The following SNTG1 variants were observed in gnomAD, a reference collection of about 807,000 sequenced individuals.
SNTG1 encodes the protein gamma-1-syntrophin.
Under a neutral mutation model 74.7 loss-of-function variants are expected in SNTG1, and 39 were observed. The ratio of observed to expected loss-of-function variants is 0.52; its 90% CI spans 0.40 to 0.68. SNTG1 has a LOEUF of 0.68. Ranked by LOEUF, SNTG1 falls within the 30% of genes least tolerant of loss-of-function variation. The pLI, the probability that SNTG1 is intolerant of heterozygous loss-of-function variation, is 0.00. For synonymous variants in SNTG1, 254 were observed against 217.1 expected, an observed-to-expected ratio of 1.17 and a Z score of -1.49; for missense variants, 685 against 609.5, an observed-to-expected ratio of 1.12 and a Z score of -1.30.
At chr8:50,330,267 A>C (rs948682443) in intron 2 of SNTG1, among the ~76,000 whole-genome samples, 1 of 152,080 alleles carries the variant, frequency 6.6e-6, no homozygotes, top group African/African-American at 2.4e-5. Context: ...CACATGAGAA[A>C]GGATCTGTTT....
chr8:50,249,147 A>G (rs2086531533), intron 2 of SNTG1, among the ~76,000 whole-genome samples: 1 of 152,144 alleles, frequency 6.6e-6, no homozygotes, highest in South Asian at 2.1e-4. Flanking sequence ...CATCACTGCC[A>G]GATACGAATG....
rs371558342 is a variant in SNTG1, at chr8:50,493,024, A to G, written c.364-9754A>G. ...GAAATAACACCACACATCTACAGGC[A>G]TCTGATCTTTGACAAACCTGACAAA... On this transcript the variant is annotated intron_variant, in intron 8 of 18. Transcript: ENST00000642720. 2.3e-3 allele frequency among the ~76,000 whole-genome samples: 343 copies of G among 152,350 alleles called. 3 individuals carry two copies. The highest frequency in any genetic ancestry group is 4.2e-3 in the Non-Finnish European group (289 of 68,024).
Position 50,219,267 on chromosome 8 carries a change from C to A in SNTG1, c.-28+46632C>A, listed in dbSNP as rs191395126. On this transcript the variant is annotated intron_variant, in intron 2 of 18. Transcript: ENST00000642720. ...AACTTTAAGAAGCTCCCACTGGTGA[C>A]CCTTCCTAGTTATCTGACAGAAAGA... 1.6e-3 allele frequency among the ~76,000 whole-genome samples: 241 copies of A among 152,282 alleles called. 1 individual carries two copies. The highest frequency in any genetic ancestry group is 5.5e-3 in the African/African-American group (230 of 41,576).
chr8:50,079,737 T>TGTATAA (rs757987466), intron 1 of SNTG1, among the ~76,000 whole-genome samples: 2 of 152,350 alleles, frequency 1.3e-5, no homozygotes, highest in East Asian at 3.9e-4. Flanking sequence ...GGTTAATTTT[T>TGTATAA]GTATAAGTAT....
intron 13 of SNTG1, among the ~76,000 whole-genome samples, chr8:50,618,235 C>T (rs910259242): frequency 7.2e-5 from 11 of 152,088 alleles, no homozygotes; most frequent in Non-Finnish European, 2.9e-5. Flanking sequence ...TTAGAAATAC[C>T]TAAATATACC....
intron 2 of SNTG1, among the ~76,000 whole-genome samples, chr8:50,381,522 A>C (rs1201664378): frequency 6.8e-6 from 1 of 146,918 alleles, no homozygotes; most frequent in Non-Finnish European, 1.5e-5. Flanking sequence ...CTATTGTATT[A>C]GTCAGGGTTC....
intron 14 of SNTG1, among the ~76,000 whole-genome samples, chr8:50,658,089 C>A (rs1454771157): frequency 1.3e-5 from 2 of 151,992 alleles, no homozygotes; most frequent in Non-Finnish European, 2.9e-5. Context: ...ATTTATTTGA[C>A]AAGACAGTTA....
intron 1 of SNTG1, among the ~76,000 whole-genome samples, chr8:49,948,621 C>T (rs1466746266): frequency 4.6e-5 from 7 of 152,126 alleles, no homozygotes; most frequent in Non-Finnish European, 7.3e-5. Flanking sequence ...ATGTTGTACT[C>T]GAATCTTCTT....
At chr8:50,428,591 A>G (rs60528549) in intron 4 of SNTG1, among the ~76,000 whole-genome samples, 4,245 of 152,290 alleles carry the variant, frequency 0.028, 187 homozygotes, top group African/African-American at 0.096. Context: ...ACCTGCTACA[A>G]ACTACAATTT....
chr8:50,154,501 T>C (rs1430514864), intron 1 of SNTG1, among the ~76,000 whole-genome samples: 2 of 152,042 alleles, frequency 1.3e-5, no homozygotes, highest in Admixed American at 1.3e-4. Context: ...AGTGCAGAAA[T>C]CACCTGTCTT....
intron 12 of SNTG1, among the ~76,000 whole-genome samples, chr8:50,585,240 GTCATTTATAGC>G (rs2130844308): frequency 1.3e-5 from 2 of 152,212 alleles, no homozygotes; most frequent in South Asian, 4.1e-4. Context: ...TTACTTTGTG[GTCATTTATAGC>G]TCTTGCTGGT....
At chr8:50,652,075 T>C (rs375903560) in intron 13 of SNTG1, among the ~76,000 whole-genome samples, 65 of 152,258 alleles carry the variant, frequency 4.3e-4, no homozygotes, top group African/African-American at 1.5e-3. Flanking sequence ...ATTTCTCCTT[T>C]GATCTGTGAA....
intron 1 of SNTG1, among the ~76,000 whole-genome samples, chr8:49,912,884 A>G (rs1053852086): frequency 2.6e-5 from 4 of 152,178 alleles, no homozygotes; most frequent in African/African-American, 7.2e-5. Context: ...TCTTTAGGAG[A>G]GCTGGATTTC....
intron 2 of SNTG1, among the ~76,000 whole-genome samples, chr8:50,234,140 G>A (rs56776667): frequency 0.034 from 5,233 of 151,846 alleles, 289 homozygotes; most frequent in African/African-American, 0.11. Flanking sequence ...GCCAAAGACT[G>A]GAAATAATCA....
At chr8:50,292,100 C>T (rs181268227) in intron 2 of SNTG1, among the ~76,000 whole-genome samples, 1 of 151,978 alleles carries the variant, frequency 6.6e-6, no homozygotes, top group Non-Finnish European at 1.5e-5. Flanking sequence ...TAGGTTAATC[C>T]TACAGCTGAA....
chr8:50,557,178 C>T (rs964453689), intron 12 of SNTG1, among the ~76,000 whole-genome samples: 8 of 123,820 alleles, frequency 6.5e-5, no homozygotes, highest in South Asian at 3.0e-4. Flanking sequence ...CAGTATCAGG[C>T]GGGTGGTGGC....
At position 50,216,457 on chromosome 8, in the gene SNTG1, G is replaced by A. The variant is rs139966187; in HGVS notation, c.-28+43822G>A. 8.6e-3 allele frequency among the ~76,000 whole-genome samples: 1,312 copies of A among 152,244 alleles called. 8 individuals carry two copies. Among genetic ancestry groups the A allele is most frequent in the Non-Finnish European group, 0.014 (978 of 68,032 alleles). ...TTAGGTTGTTATAAGAGTCTGGCAT[G>A]AGGGAAATAAGTAGACTCCATAAAT... On this transcript the variant is annotated intron_variant, in intron 2 of 18. Transcript: ENST00000642720.
chr8:50,723,856 AAG>A (rs1563782540), intron 17 of SNTG1, among the ~76,000 whole-genome samples: 1 of 152,170 alleles, frequency 6.6e-6, no homozygotes, highest in African/African-American at 2.4e-5. Flanking sequence ...TTTGCAGGAA[AAG>A]ACTCCCTAAG....
rs1808489626 is a variant in SNTG1 at position 49,939,524 on chromosome 8, C to T, written c.-103+27293C>T. Among the ~76,000 whole-genome samples the T allele has an allele frequency of 2.0e-5, 3 of 152,290 alleles. No individual in the cohort carries two copies. In the South Asian group the frequency reaches 6.2e-4, roughly 32 times the overall value. On this transcript the variant is annotated intron_variant, in intron 1 of 18. Coordinates refer to ENST00000642720, the MANE Select transcript of SNTG1 (RefSeq NM_018967.5). Reference sequence around the variant, plus strand: ...CTATGTAAACCATGCTGGTCTTGAACTCCTGGGCTCAAACAATCTTTTCCA... The same window carrying T: ...CTATGTAAACCATGCTGGTCTTGAATTCCTGGGCTCAAACAATCTTTTCCA...
Sources: allele counts gnomAD v4.1 joint callset (sites outside exome capture counted in the v4.1 genomes callset), GRCh38; gene constraint gnomAD v4.1.1; transcripts MANE v1.5; gene names NCBI Gene and HGNC (gene_info 2026-07-23, HGNC 2026-07-21).